Variants in SLC25A25 observed in about 807,000 individuals in gnomAD.
The protein encoded by SLC25A25 is solute carrier family 25 member 25.
Under a neutral mutation model 57.7 loss-of-function variants are expected in SLC25A25, and 32 were observed. That is an observed-to-expected ratio of 0.55 (90% CI 0.42 to 0.74). SLC25A25 has a LOEUF of 0.74. Among genes scored for constraint, SLC25A25 ranks in the 30% least tolerant of loss-of-function variants. The pLI is 0.00. For missense variants in SLC25A25, 556 were observed against 701.3 expected (o/e 0.79, Z 2.34); for synonymous variants, 306 against 291.2 (o/e 1.05, Z -0.52).
intron 1 of SLC25A25, among the ~76,000 whole-genome samples, chr9:128,077,404 C>T (rs892754855): frequency 1.3e-5 from 2 of 151,816 alleles, no homozygotes; most frequent in African/African-American, 4.8e-5. Context: ...GTGGTCCCAG[C>T]AACTCGGGAG....
chr9:128,106,850 C>G (rs1372076675), intron 9 of SLC25A25, among the ~76,000 whole-genome samples, 179 bp from the exon 10 acceptor site: 1 of 152,146 alleles, frequency 6.6e-6, no homozygotes, highest in Non-Finnish European at 1.5e-5. Context: ...GAGGTGTTCC[C>G]TCTACCTTGT....
Position 128,103,847 on chromosome 9 carries a change from G to A in SLC25A25, c.783+8G>A. The A allele has an allele frequency of 1.3e-6, 2 of 1,561,774 alleles. No homozygotes were observed. The highest frequency in any genetic ancestry group is 1.7e-6 in the Non-Finnish European group (2 of 1,153,714). On this transcript the variant is annotated splice_region_variant and intron_variant, in intron 6 of 10. Transcript: ENST00000373069. This position sits in a 1 kb window ranked among gnomAD's most constrained non-coding sequence, Gnocchi z 6.7. ...CTCAAGGTGCTCATGCAGGTATGTA[G>A]GGAAAAGGCCCCAGACCCCTGGGGG... is the stretch of plus-strand genomic sequence containing the variant.
At position 128,101,174 on chromosome 9, in the gene SLC25A25, G is replaced by A. The variant is rs1431882619; in HGVS notation, c.340G>A (p.Glu114Lys). ...ATTTGTCCATTATCTCCAAGATCAT[G>A]AGAAGAAGCTGAGGCTGGTGTTTAA... is the stretch of plus-strand genomic sequence containing the variant. ...EEFVHYLQDH[E>K]KKLRLVFKSL... is the part of the protein sequence containing the mutation. The change falls in exon 2 of 11, where the codon GAG (glutamate) becomes AAG (lysine). Residue 114 changes from glutamate to lysine, a missense_variant. Around this residue, in one of 3 missense-constraint regions of SLC25A25, gnomAD observed 248 missense variants for 273.5 expected, o/e 0.91. Coordinates refer to ENST00000373069, the MANE Select transcript of SLC25A25 (RefSeq NM_001330988.2). This position sits in a 1 kb window ranked among gnomAD's most constrained non-coding sequence, Gnocchi z 4.9. 8 of 1,614,288 alleles carry A rather than the reference G, an allele frequency of 5.0e-6. No individual in the cohort carries two copies. The highest frequency in any genetic ancestry group is 5.9e-6 in the Non-Finnish European group (7 of 1,180,054).
intron 1 of SLC25A25, among the ~76,000 whole-genome samples, chr9:128,096,973 C>G (rs565888827): frequency 1.3e-5 from 2 of 152,318 alleles, no homozygotes; most frequent in African/African-American, 4.8e-5. Context: ...TGTTAGAAGG[C>G]CCAAATGTCA....
At chr9:128,069,779 T>G (rs1158730192) in intron 1 of SLC25A25, among the ~76,000 whole-genome samples, 1 of 152,200 alleles carries the variant, frequency 6.6e-6, no homozygotes, top group Non-Finnish European at 1.5e-5. Flanking sequence ...TGAGACGGAG[T>G]CTGGTTCTGT....
intron 1 of SLC25A25, among the ~76,000 whole-genome samples, chr9:128,078,122 C>T (rs1833059044): frequency 6.6e-6 from 1 of 152,060 alleles, no homozygotes; most frequent in African/African-American, 2.4e-5. Flanking sequence ...AAATGACTCA[C>T]CCTCTCCAAG....
chr9:128,089,688 A>G (rs1833354601), intron 1 of SLC25A25, among the ~76,000 whole-genome samples: 1 of 148,312 alleles, frequency 6.7e-6, no homozygotes, highest in Non-Finnish European at 1.5e-5. Flanking sequence ...GTTGGACTGC[A>G]GTGGCACGAT....
intron 1 of SLC25A25, among the ~76,000 whole-genome samples, chr9:128,072,888 A>G (rs1181802981): frequency 6.6e-6 from 1 of 152,226 alleles, no homozygotes; most frequent in Non-Finnish European, 1.5e-5. Flanking sequence ...AATTAGAGGA[A>G]GAAAGCAAGC....
At position 128,109,141 on chromosome 9, in the gene SLC25A25, T is replaced by TAAG. The variant is rs974688332; in HGVS notation, c.*1698_*1699insAGA. ...GCAAAGATCAATGCAAAAATTGTTA[T>TAAG]ATATGAACATATAACTGGAGTCGTC... On this transcript the variant is annotated 3_prime_UTR_variant, in exon 11 of 11. Transcript: ENST00000373069. 1.6e-4 allele frequency: 25 copies of TAAG among 152,716 alleles called. No homozygotes were observed. Among genetic ancestry groups the TAAG allele is most frequent in the African/African-American group, 6.0e-4 (25 of 41,592 alleles). 9.5% of individuals were successfully genotyped at this position (152,716 alleles called of 1,614,324 possible). A position where few individuals can be genotyped will look rare whatever the true frequency, so the allele number is the denominator to read the frequency against.
chr9:128,105,007 C>T (rs1023905352), intron 6 of SLC25A25, among the ~76,000 whole-genome samples: 3 of 150,660 alleles, frequency 2.0e-5, no homozygotes, highest in African/African-American at 4.9e-5. Context: ...TACAGGCATG[C>T]GCTATCACCC....
At chr9:128,096,288 C>A (rs924214131) in intron 1 of SLC25A25, among the ~76,000 whole-genome samples, 6 of 152,186 alleles carry the variant, frequency 3.9e-5, no homozygotes, top group Admixed American at 1.3e-4. Context: ...GCAGGCAGAT[C>A]ACTTGAGGCC....
In SLC25A25 at chr9:128,108,991, G is replaced by A. The variant is rs921455903; in HGVS notation, c.*1547G>A. On this transcript the variant is annotated 3_prime_UTR_variant, in exon 11 of 11. Coordinates refer to ENST00000373069, the MANE Select transcript of SLC25A25 (RefSeq NM_001330988.2). ...GTGGGCGGGGGCTGGAGGAGAGGGTGGGGGACTGGCTCCGTCCCTCCCAGC... is the reference window on the plus strand; with the variant it reads ...GTGGGCGGGGGCTGGAGGAGAGGGTAGGGGACTGGCTCCGTCCCTCCCAGC... The A allele has an allele frequency of 2.0e-5, 3 of 152,146 alleles. No homozygotes were observed. Among genetic ancestry groups the A allele is most frequent in the South Asian group, 2.1e-4 (1 of 4,834 alleles). 9.4% of individuals were successfully genotyped at this position (152,146 alleles called of 1,614,324 possible).
At chr9:128,098,486 T>C in intron 1 of SLC25A25, 3 of 1,539,282 alleles carry the variant, frequency 1.9e-6, no homozygotes, top group East Asian at 2.3e-5. Flanking sequence ...GCTTGTCTTA[T>C]GCAAGTTTCC....
chr9:128,106,723 C>T (rs1314756698), intron 9 of SLC25A25, among the ~76,000 whole-genome samples: 1 of 152,210 alleles, frequency 6.6e-6, no homozygotes, highest in Non-Finnish European at 1.5e-5. Flanking sequence ...TGCACCCAGG[C>T]TCTGCATCCC....
At chr9:128,092,029 G>A (rs1833423789) in intron 1 of SLC25A25, 2 of 1,613,854 alleles carry the variant, frequency 1.2e-6, no homozygotes, top group African/African-American at 1.3e-5. Flanking sequence ...GAAGGGCTGA[G>A]GCCACGGAAA....
rs1431444022 is a variant in SLC25A25, at chr9:128,101,531, C to T, written c.476+135C>T. 9.5e-6 allele frequency: 9 copies of T among 945,628 alleles called. No homozygotes were observed. The highest frequency in any genetic ancestry group is 1.4e-5 in the Non-Finnish European group (9 of 633,792). The allele number at this position is 945,628 out of a possible 1,614,324, so 58.6% of individuals were successfully genotyped here. A position where few individuals can be genotyped will look rare whatever the true frequency, so the allele number is the denominator to read the frequency against. On this transcript the variant is annotated intron_variant, in intron 3 of 10. Coordinates refer to ENST00000373069, the MANE Select transcript of SLC25A25 (RefSeq NM_001330988.2). This position sits in a 1 kb window ranked among gnomAD's most constrained non-coding sequence, Gnocchi z 4.9. ...TGGTTTGAAAGGATGAATAAGTAAC[C>T]CCTGTGGGAGGCCAGCCCCTCCCCA...
Position 128,101,289 on chromosome 9 carries a change from C to T in SLC25A25, c.389-20C>T, listed in dbSNP as rs772796180. The T allele has an allele frequency of 3.7e-6, 6 of 1,614,088 alleles. No individual in the cohort carries two copies. The highest frequency in any genetic ancestry group is 3.3e-5 in the Admixed American group (2 of 60,002). On this transcript the variant is annotated intron_variant, in intron 2 of 10. Transcript: ENST00000373069. This position sits in a 1 kb window ranked among gnomAD's most constrained non-coding sequence, Gnocchi z 4.9. ...CCTCCCCGTGCGCCTGGCTCCTGCT[C>T]ACGGCCTCTGTTCTTGCAGGACGCA...
intron 1 of SLC25A25, chr9:128,091,293 C>T (rs893075867): frequency 2.5e-5 from 8 of 313,820 alleles, no homozygotes; most frequent in Admixed American, 1.3e-4. Context: ...AGCTTGAGTC[C>T]GCACCTCCCT....
chr9:128,096,949 C>CG (rs1833577533), intron 1 of SLC25A25, among the ~76,000 whole-genome samples: 2 of 152,182 alleles, frequency 1.3e-5, no homozygotes, highest in Admixed American at 6.5e-5. Context: ...CTCACAGACT[C>CG]GTTATCAGAT....
Sources: allele counts gnomAD v4.1 joint callset (sites outside exome capture counted in the v4.1 genomes callset), GRCh38; gene constraint gnomAD v4.1.1; regional missense constraint gnomAD v4.1.1; non-coding constraint Gnocchi (gnomAD v3.1); transcripts MANE v1.5; gene names NCBI Gene and HGNC (gene_info 2026-07-23, HGNC 2026-07-21).